PLEKHB2: variants seen among roughly 807,000 people sequenced by gnomAD.
PLEKHB2 encodes pleckstrin homology domain-containing family B member 2.
Under a neutral mutation model 36.5 loss-of-function variants are expected in PLEKHB2, and 31 were observed. The observed-to-expected ratio is 0.85, with a 90% CI of 0.64 to 1.15. The LOEUF (loss-of-function observed/expected upper bound fraction) is 1.15, where lower values mean the gene tolerates loss of function less well. Among genes scored for constraint, PLEKHB2 ranks in the 50% most tolerant of loss-of-function variants. PLEKHB2 has a pLI of 0.00. For missense variants in PLEKHB2, 262 were observed against 295.3 expected, an observed-to-expected ratio of 0.89 and a Z score of 0.83; for synonymous variants, 119 against 112.0, an observed-to-expected ratio of 1.06 and a Z score of -0.39.
chr2:131,129,158 C>G lies in PLEKHB2; in HGVS notation c.294-1563C>G, dbSNP rs1482067045. On this transcript the variant is annotated intron_variant, in intron 4 of 7. Transcript: ENST00000693505. ...TGGCCAACATGGTGAAACCTCGTCTCTACTAAAAATACAAAAATTAGCCAG... is the reference window on the plus strand; with the variant it reads ...TGGCCAACATGGTGAAACCTCGTCTGTACTAAAAATACAAAAATTAGCCAG... Among the ~76,000 whole-genome samples, 11 of 151,906 alleles carry G rather than the reference C, an allele frequency of 7.2e-5. No individual in the cohort carries two copies. In the East Asian group the frequency reaches 1.4e-3, roughly 19 times the overall value.
intron 1 of PLEKHB2, among the ~76,000 whole-genome samples, chr2:131,119,643 A>G (rs1301474396): frequency 6.6e-6 from 1 of 152,200 alleles, no homozygotes; most frequent in Non-Finnish European, 1.5e-5. Context: ...GAACTATTAA[A>G]GTTTCAATAG....
intron 6 of PLEKHB2, among the ~76,000 whole-genome samples, chr2:131,135,134 C>T (rs185607886): frequency 8.7e-4 from 132 of 151,808 alleles, no homozygotes; most frequent in Non-Finnish European, 1.2e-3. Context: ...TGCAGTGGCG[C>T]GATCTTGGCT....
intron 1 of PLEKHB2, among the ~76,000 whole-genome samples, chr2:131,110,636 G>A (rs1347527778): frequency 2.0e-5 from 3 of 152,182 alleles, no homozygotes; most frequent in African/African-American, 7.2e-5. Flanking sequence ...GCTTCCCAAA[G>A]TGTTGGGATT....
chr2:131,127,001 C>T (rs1559078171), intron 4 of PLEKHB2: 10 of 499,354 alleles, frequency 2.0e-5, no homozygotes, highest in Non-Finnish European at 2.9e-5. Flanking sequence ...GTGAAAATGG[C>T]AGAAAGGAAT....
rs1384919603 is a variant in PLEKHB2 at position 131,121,499 on chromosome 2, G to A, written c.37+521G>A. The stretch of plus-strand genomic sequence containing the variant: ...CCGACCTCAGGTGATCTGCCCACCT[G>A]GGTTCCCAAAGTGTTGGGATTACAA... On this transcript the variant is annotated intron_variant, in intron 2 of 7. Transcript: ENST00000693505. Among the ~76,000 whole-genome samples, 5 of 152,016 alleles carry A rather than the reference G, an allele frequency of 3.3e-5. No individual in the cohort carries two copies. The South Asian group carries it at 6.2e-4, about 19-fold the overall frequency.
intron 4 of PLEKHB2, among the ~76,000 whole-genome samples, chr2:131,128,073 A>C (rs1195109944): frequency 6.6e-6 from 1 of 152,184 alleles, no homozygotes; most frequent in African/African-American, 2.4e-5. Context: ...TCTCAGAAGA[A>C]ATGTCCTTCT....
intron 1 of PLEKHB2, chr2:131,120,678 G>T (rs904918918): frequency 5.6e-5 from 31 of 549,186 alleles, no homozygotes; most frequent in Non-Finnish European, 1.0e-4. Context: ...TATGTTTGTT[G>T]AGTGGTGTTA....
intron 6 of PLEKHB2, among the ~76,000 whole-genome samples, chr2:131,135,321 G>C (rs1698131684): frequency 6.6e-6 from 1 of 152,224 alleles, no homozygotes; most frequent in African/African-American, 2.4e-5. Context: ...ACCTGCCTTG[G>C]CCTTCAAAGT....
At chr2:131,140,636 C>T (rs1666344468) in intron 7 of PLEKHB2, among the ~76,000 whole-genome samples, 1 of 152,206 alleles carries the variant, frequency 6.6e-6, no homozygotes, top group African/African-American at 2.4e-5. Flanking sequence ...GGAAAGTTGT[C>T]ACTACTGAGG....
intron 6 of PLEKHB2, among the ~76,000 whole-genome samples, chr2:131,137,360 G>A (rs897275231): frequency 6.6e-6 from 1 of 152,154 alleles, no homozygotes; most frequent in African/African-American, 2.4e-5. Flanking sequence ...CCCCTCCTGC[G>A]CTTGCACATG....
At chr2:131,144,374 C>A in intron 7 of PLEKHB2, 1 of 1,173,924 alleles carries the variant, frequency 8.5e-7, no homozygotes, top group Non-Finnish European at 1.1e-6. Context: ...TGAGTTGGCT[C>A]CTTTGGTTGG....
intron 1 of PLEKHB2, among the ~76,000 whole-genome samples, chr2:131,113,253 T>TAATATTTTTG (rs1695511477): frequency 6.6e-6 from 1 of 152,054 alleles, no homozygotes; most frequent in African/African-American, 2.4e-5. Flanking sequence ...CGCTGATTTT[T>TAATATTTTTG]GTATGGATGA....
chr2:131,119,653 G>C (rs923806744), intron 1 of PLEKHB2, among the ~76,000 whole-genome samples: 19 of 152,178 alleles, frequency 1.2e-4, no homozygotes, highest in Non-Finnish European at 2.6e-4. Flanking sequence ...AGTTTCAATA[G>C]ATTTTGTCAA....
chr2:131,108,355 A>G (rs1322109507), intron 1 of PLEKHB2, among the ~76,000 whole-genome samples: 2 of 152,218 alleles, frequency 1.3e-5, no homozygotes, highest in East Asian at 3.8e-4. Flanking sequence ...AGAGACCAAC[A>G]GCTAGGGCTT....
intron 6 of PLEKHB2, among the ~76,000 whole-genome samples, chr2:131,133,901 GT>G (rs537745063): frequency 0.028 from 3,833 of 137,818 alleles, 117 homozygotes; most frequent in African/African-American, 0.092. Flanking sequence ...TTGCTGAGTG[GT>G]TTTTTTTTTT....
chr2:131,144,561 C>T, intron 7 of PLEKHB2: 1 of 422,282 alleles, frequency 2.4e-6, no homozygotes, highest in Non-Finnish European at 4.0e-6. Context: ...AGTAACCTTC[C>T]TTTATTTAGT....
chr2:131,142,479 C>CT lies in PLEKHB2; in HGVS notation c.532+2213dup, dbSNP rs999337199. Among the ~76,000 whole-genome samples, 264 of 149,394 alleles carry CT rather than the reference C, an allele frequency of 1.8e-3. 1 individual carries two copies. The highest frequency in any genetic ancestry group is 4.1e-3 in the African/African-American group (169 of 40,786). ...CCAGTATTGGCTGTTTTTTTCCTCT[C>CT]TTTTTTTTTGCTATTGTAGATACTT... On this transcript the variant is annotated intron_variant, in intron 7 of 7. Transcript: ENST00000693505.
Position 131,125,833 on chromosome 2 carries a change from C to T in PLEKHB2, c.118C>T (p.Arg40Trp), listed in dbSNP as rs139555519. The T allele has an allele frequency of 3.1e-6, 5 of 1,613,384 alleles. No individual in the cohort carries two copies. Among genetic ancestry groups the T allele is most frequent in the South Asian group, 1.1e-5 (1 of 91,056 alleles). ...GHLIYYDDQT[R>W]QNIEDKVHMP... is the part of the protein sequence containing the mutation. ...CCTGATCTATTATGATGACCAGACTCGGCAGAATATCGAGGATAAGGTCCA... is the reference window on the plus strand; with the variant it reads ...CCTGATCTATTATGATGACCAGACTTGGCAGAATATCGAGGATAAGGTCCA... The change falls in exon 3 of 8, where the codon CGG becomes TGG. Residue 40 changes from arginine to tryptophan, a missense_variant. Coordinates refer to ENST00000693505, the MANE Select transcript of PLEKHB2 (RefSeq NM_001100623.2).
At chr2:131,121,545 C>G (rs1696520833) in intron 2 of PLEKHB2, among the ~76,000 whole-genome samples, 1 of 152,144 alleles carries the variant, frequency 6.6e-6, no homozygotes, top group Non-Finnish European at 1.5e-5. Flanking sequence ...CCGTGCCCAG[C>G]TGCGTGCTTT....
Sources: gnomAD v4.1 joint callset for allele counts (sites outside exome capture counted in the v4.1 genomes callset) on GRCh38, gnomAD v4.1.1 for gene constraint, MANE v1.5 for transcripts, NCBI Gene and HGNC (gene_info 2026-07-23, HGNC 2026-07-21) for gene names.